The following PCDH9 variants were observed in gnomAD, a reference collection of about 807,000 sequenced individuals.
PCDH9 encodes protocadherin 9.
In PCDH9, 24 loss-of-function variants were observed where a neutral mutation model predicts 70.6. The observed-to-expected ratio is 0.34, with a 90% CI of 0.25 to 0.48. The LOEUF is 0.48. Among genes scored for constraint, PCDH9 ranks in the 20% least tolerant of loss-of-function variants. PCDH9 has a pLI of 0.99. For synonymous variants in PCDH9, 562 were observed against 558.5 expected, an observed-to-expected ratio of 1.01 and a Z score of -0.09; for missense variants, 1,281 against 1,503.6, an observed-to-expected ratio of 0.85 and a Z score of 2.45.
At chr13:66,664,947 C>A (rs2078072658) in intron 3 of PCDH9, among the ~76,000 whole-genome samples, 1 of 152,142 alleles carries the variant, frequency 6.6e-6, no homozygotes, top group Non-Finnish European at 1.5e-5. Context: ...CCCTGTCCTG[C>A]TAGTCCCTAC....
chr13:66,519,057 A>G (rs1309078190), intron 4 of PCDH9, among the ~76,000 whole-genome samples: 1 of 152,118 alleles, frequency 6.6e-6, no homozygotes, highest in Non-Finnish European at 1.5e-5. Context: ...CGAGGCTGGG[A>G]ACTACTATGC....
chr13:66,953,246 A>G (rs1594305698), intron 2 of PCDH9, among the ~76,000 whole-genome samples: 1 of 152,182 alleles, frequency 6.6e-6, no homozygotes, highest in African/African-American at 2.4e-5. Context: ...GTGACAATAT[A>G]GTTTTTAACA....
intron 3 of PCDH9, among the ~76,000 whole-genome samples, chr13:66,769,217 T>C (rs1208789966): frequency 6.6e-6 from 1 of 151,740 alleles, no homozygotes; most frequent in Non-Finnish European, 1.5e-5. Context: ...AAGTGAAATA[T>C]GAAAAAAAAA....
At chr13:67,079,806 A>G (rs2085948829) in intron 2 of PCDH9, among the ~76,000 whole-genome samples, 1 of 152,142 alleles carries the variant, frequency 6.6e-6, no homozygotes, top group Non-Finnish European at 1.5e-5. Flanking sequence ...GCTGTCACCT[A>G]TGAGGCTACA....
rs191777764 is a variant in PCDH9 at position 66,543,293 on chromosome 13, G to A, written c.3340+87917C>T. Among the ~76,000 whole-genome samples, 91 of 152,128 alleles carry A rather than the reference G, an allele frequency of 6.0e-4. 1 individual carries two copies. The East Asian group carries it at 0.015, about 26-fold the overall frequency. On this transcript the variant is annotated intron_variant, in intron 4 of 4. Coordinates refer to ENST00000377865, the MANE Select transcript of PCDH9 (RefSeq NM_203487.3). ...TAGTTATATGAGTAAAATGATGGCC[G>A]GGCACAGTGGCTCACGCCTGTAATC... is the stretch of plus-strand genomic sequence containing the variant.
intron 4 of PCDH9, among the ~76,000 whole-genome samples, chr13:66,469,172 T>A (rs1307420204): frequency 6.6e-6 from 1 of 152,146 alleles, no homozygotes; most frequent in African/African-American, 2.4e-5. Context: ...AAATTTTTCA[T>A]CGTATTCCTT....
intron 4 of PCDH9, among the ~76,000 whole-genome samples, chr13:66,477,991 A>G (rs1263564834): frequency 6.6e-6 from 1 of 152,088 alleles, no homozygotes; most frequent in Admixed American, 6.6e-5. Flanking sequence ...TTACAAATTG[A>G]TAGTTTGTGG....
At chr13:66,724,513 G>A (rs1054654846) in intron 3 of PCDH9, among the ~76,000 whole-genome samples, 3 of 152,178 alleles carry the variant, frequency 2.0e-5, no homozygotes, top group African/African-American at 7.2e-5. Flanking sequence ...AAGGTGCAAA[G>A]TCTCTATGTC....
chr13:66,791,552 A>G (rs992600908), intron 3 of PCDH9, among the ~76,000 whole-genome samples: 1 of 152,122 alleles, frequency 6.6e-6, no homozygotes, highest in African/African-American at 2.4e-5. Flanking sequence ...GTTTTTGCCA[A>G]TGAAAGTAAT....
At chr13:66,861,103 G>T (rs1313217490) in intron 3 of PCDH9, among the ~76,000 whole-genome samples, 2 of 152,200 alleles carry the variant, frequency 1.3e-5, no homozygotes, top group African/African-American at 4.8e-5. Flanking sequence ...CTTCTAAGTT[G>T]CAAAGAAGAG....
intron 4 of PCDH9, among the ~76,000 whole-genome samples, chr13:66,495,236 T>G (rs1021312866): frequency 1.3e-5 from 2 of 152,178 alleles, no homozygotes; most frequent in African/African-American, 4.8e-5. Context: ...TGTTTCAATA[T>G]CTTCTTTGTT....
At chr13:67,103,421 C>A (rs1157336318) in intron 2 of PCDH9, among the ~76,000 whole-genome samples, 1 of 152,072 alleles carries the variant, frequency 6.6e-6, no homozygotes. Context: ...TATTTGTTTA[C>A]ACGTAACAAT....
chr13:66,305,040 A>ATG lies in PCDH9; in HGVS notation c.3341-13_3341-12insCA. ...ACCCAAAGGCCCATCTGCAGAAGAC[A>ATG]AGAGAGAGAAAATAAGAAAAGGAAG... On this transcript the variant is annotated splice_polypyrimidine_tract_variant and intron_variant, in intron 4 of 4. Transcript: ENST00000377865. 6.4e-7 allele frequency: 1 copy of ATG among 1,568,890 alleles called. No individual in the cohort carries two copies. Among genetic ancestry groups the ATG allele is most frequent in the South Asian group, 1.2e-5 (1 of 85,818 alleles).
chr13:66,701,233 C>T (rs1174550369), intron 3 of PCDH9, among the ~76,000 whole-genome samples: 1 of 151,570 alleles, frequency 6.6e-6, no homozygotes, highest in Admixed American at 6.6e-5. Flanking sequence ...CAGATTTTTG[C>T]ATCATGGCTA....
intron 4 of PCDH9, among the ~76,000 whole-genome samples, chr13:66,623,297 A>T (rs1156793289): frequency 6.6e-6 from 1 of 152,210 alleles, no homozygotes; most frequent in Non-Finnish European, 1.5e-5. Context: ...ATGCATCCCC[A>T]GTAGTGATTG....
intron 3 of PCDH9, among the ~76,000 whole-genome samples, chr13:66,731,703 A>G (rs2079081991): frequency 6.6e-6 from 1 of 152,114 alleles, no homozygotes. Context: ...CACAGCAGTA[A>G]AGCCCAAAAT....
At chr13:67,192,931 T>A (rs1399081222) in intron 2 of PCDH9, among the ~76,000 whole-genome samples, 1 of 152,166 alleles carries the variant, frequency 6.6e-6, no homozygotes, top group East Asian at 1.9e-4. Flanking sequence ...GAAAACTGTT[T>A]AACAGGAACT....
Position 67,154,597 on chromosome 13 carries a change from T to C in PCDH9, c.3036+70808A>G, listed in dbSNP as rs7997301. Among the ~76,000 whole-genome samples, 28 of 71,568 alleles carry C rather than the reference T, an allele frequency of 3.9e-4. 1 individual carries two copies. Among genetic ancestry groups the C allele is most frequent in the Admixed American group, 2.0e-3 (12 of 5,952 alleles). The allele number at this position is 71,568 out of a possible 152,430, so 47.0% of individuals were successfully genotyped here. ...TCTCAAAAAAAAAAAAAAAAAAAAA[T>C]ATATATATACACACACACACACACA... On this transcript the variant is annotated intron_variant, in intron 2 of 4. Transcript: ENST00000377865.
intron 3 of PCDH9, among the ~76,000 whole-genome samples, chr13:66,784,614 A>G (rs965325379): frequency 1.3e-5 from 2 of 152,192 alleles, no homozygotes; most frequent in African/African-American, 4.8e-5. Flanking sequence ...TGTTTCAAAC[A>G]TTAAAATCAT....
Sources: gnomAD v4.1 joint callset for allele counts (sites outside exome capture counted in the v4.1 genomes callset) on GRCh38, gnomAD v4.1.1 for gene constraint, MANE v1.5 for transcripts, NCBI Gene and HGNC (gene_info 2026-07-23, HGNC 2026-07-21) for gene names.